Variants in CIMIP2A observed in about 807,000 individuals in gnomAD.
CIMIP2A encodes the protein family with sequence similarity 166 member A.
At chr9:137,244,029 G>T in the CIMIP2A span, 1 of 965,716 alleles carries the variant, frequency 1.0e-6, no homozygotes, top group Non-Finnish European at 1.6e-6. Context: ...GAGGATGGCA[G>T]ACAATCCTAC....
At chr9:137,253,163 G>C in the CIMIP2A span, 1 of 1,602,952 alleles carries the variant, frequency 6.2e-7, no homozygotes, top group Non-Finnish European at 8.5e-7. Context: ...TGCAACTCAC[G>C]CTTCCCTTCG....
the CIMIP2A span, among the ~76,000 whole-genome samples, chr9:137,247,497 A>G: frequency 6.6e-6 from 1 of 152,132 alleles, no homozygotes; most frequent in Non-Finnish European, 1.5e-5. Flanking sequence ...CCCCTGTCCC[A>G]GGGCTCCCCA....
At chr9:137,252,155 G>T in the CIMIP2A span, 1 of 1,596,564 alleles carries the variant, frequency 6.3e-7, no homozygotes, top group South Asian at 1.1e-5. Context: ...CCCTCCCTGA[G>T]GCCCAACCAC....
chr9:137,254,070 G>C, the CIMIP2A span, among the ~76,000 whole-genome samples: 1 of 152,198 alleles, frequency 6.6e-6, no homozygotes, highest in African/African-American at 2.4e-5. Context: ...CCCCAAGGCT[G>C]CCACCTTGCA....
the CIMIP2A span, chr9:137,251,938 G>T: frequency 6.3e-7 from 1 of 1,595,910 alleles, no homozygotes; most frequent in South Asian, 1.1e-5. Context: ...GCTGGTCTTT[G>T]GGGGGCTGTG....
chr9:137,243,753 T>C, the CIMIP2A span: 1 of 1,614,110 alleles, frequency 6.2e-7, no homozygotes, highest in Non-Finnish European at 8.5e-7. Flanking sequence ...CTCCGGGTGC[T>C]GTTGCCGAAT....
the CIMIP2A span, chr9:137,245,897 C>A: frequency 1.8e-5 from 26 of 1,431,746 alleles, no homozygotes; most frequent in South Asian, 3.3e-4. Flanking sequence ...TCAAGGGCAG[C>A]CCCAGCACTG....
the CIMIP2A span, chr9:137,244,262 G>T: frequency 1.2e-6 from 2 of 1,613,844 alleles, no homozygotes; most frequent in Admixed American, 3.3e-5. Flanking sequence ...TCTCGCCCAG[G>T]TCACAGTGGG....
chr9:137,254,569 G>A, the CIMIP2A span, among the ~76,000 whole-genome samples: 1 of 152,246 alleles, frequency 6.6e-6, no homozygotes, highest in Non-Finnish European at 1.5e-5. Context: ...AGAGTTTGCT[G>A]GGCAGCGGGA....
the CIMIP2A span, chr9:137,245,318 T>C: frequency 1.3e-6 from 2 of 1,589,592 alleles, no homozygotes; most frequent in Non-Finnish European, 1.7e-6. Flanking sequence ...TGGTGCTGCC[T>C]GGGGGCCTCG....
At chr9:137,252,422 A>G in the CIMIP2A span, 2 of 1,607,234 alleles carry the variant, frequency 1.2e-6, no homozygotes, top group Non-Finnish European at 1.7e-6. Flanking sequence ...CTCTCTCTCC[A>G]TCCTCCAACT....
chr9:137,249,765 C>G, the CIMIP2A span, among the ~76,000 whole-genome samples: 2 of 152,230 alleles, frequency 1.3e-5, no homozygotes, highest in African/African-American at 4.8e-5. Context: ...GAAGCGCCAG[C>G]CCCTCCCCGT....
the CIMIP2A span, chr9:137,245,479 A>G: frequency 6.2e-7 from 1 of 1,613,508 alleles, no homozygotes. Context: ...TATGTTCTCT[A>G]CCCCTGGCGG....
At chr9:137,251,844 G>A in the CIMIP2A span, 1 of 1,607,590 alleles carries the variant, frequency 6.2e-7, no homozygotes, top group Non-Finnish European at 8.5e-7. Context: ...GTTACAGACG[G>A]GCACCCCCCA....
At chr9:137,248,256 G>A in the CIMIP2A span, among the ~76,000 whole-genome samples, 1 of 152,286 alleles carries the variant, frequency 6.6e-6, no homozygotes, top group East Asian at 1.9e-4. Context: ...CCATAAAAAT[G>A]AAGGAAGGCG....
the CIMIP2A span, chr9:137,243,800 C>T: frequency 3.1e-6 from 5 of 1,613,674 alleles, no homozygotes; most frequent in African/African-American, 2.7e-5. Context: ...TGCGGGGAGC[C>T]AGGCTGCAGC....
chr9:137,246,636 C>CA, the CIMIP2A span, among the ~76,000 whole-genome samples: 12 of 152,250 alleles, frequency 7.9e-5, 1 homozygote, highest in South Asian at 2.5e-3. Flanking sequence ...TGGTGGCGGG[C>CA]CCTGTAGTCC....
chr9:137,247,801 A>G, the CIMIP2A span: 4 of 1,340,816 alleles, frequency 3.0e-6, no homozygotes, highest in African/African-American at 2.9e-5. Context: ...CCGGGCAACC[A>G]TTGTGAGGGG....
At chr9:137,244,154 C>G in the CIMIP2A span, 1 of 1,612,928 alleles carries the variant, frequency 6.2e-7, no homozygotes, top group South Asian at 1.1e-5. Context: ...CCATGTGACC[C>G]TGCCCACTCT....
Sources: allele counts gnomAD v4.1 joint callset (sites outside exome capture counted in the v4.1 genomes callset), GRCh38; gene constraint gnomAD v4.1.1; transcripts MANE v1.5; gene names NCBI Gene and HGNC (gene_info 2026-07-23, HGNC 2026-07-21).